The following AKAP13 variants were observed in gnomAD, a reference collection of about 807,000 sequenced individuals.
AKAP13 encodes the protein A-kinase anchor protein 13.
A neutral mutation model predicts 264.5 loss-of-function variants in AKAP13; 80 were observed. The observed-to-expected ratio is 0.30, with a 90% CI of 0.25 to 0.36. AKAP13 has a LOEUF of 0.36. AKAP13 is among the 10% of genes least tolerant of loss of function. AKAP13 has a pLI of 1.00. For missense variants in AKAP13, 3,712 were observed against 3,435.2 expected (o/e 1.08, Z -2.01); for synonymous variants, 1,380 against 1,250.2 (o/e 1.10, Z -2.19).
chr15:85,719,004 C>T, intron 22 of AKAP13, 72 bp from the exon 23 acceptor site: 3 of 1,578,826 alleles, frequency 1.9e-6, no homozygotes, highest in Non-Finnish European at 2.6e-6. Flanking sequence ...TTTGGGACTG[C>T]AGCAGATGAT....
rs1416351974 is a variant in AKAP13 at position 85,718,026 on chromosome 15, T to C, written c.5868T>C (p.Asn1956=). The C allele has an allele frequency of 6.2e-7, 1 of 1,614,130 alleles. No individual in the cohort carries two copies. The highest frequency in any genetic ancestry group is 2.2e-5 in the East Asian group (1 of 44,858). The change falls in exon 22 of 37, where the codon AAT becomes AAC. Residue 1956 remains asparagine, a synonymous_variant. Transcript: ENST00000394518. This position sits in a 1 kb window ranked among gnomAD's most constrained non-coding sequence, Gnocchi z 4.9. ...LTDEGVGTDM[N]EGQLLGDFEI... ...ATTGAGGAGTAGGTACAGACATGAA[T>C]GAAGGACAACTACTGGGAGACTTTG... is the stretch of plus-strand genomic sequence containing the variant.
At chr15:85,541,219 G>T (rs537422088) in intron 4 of AKAP13, among the ~76,000 whole-genome samples, 8 of 152,324 alleles carry the variant, frequency 5.3e-5, no homozygotes, top group Admixed American at 1.3e-4. Context: ...TTGAATGCTA[G>T]TTAATTATAT....
intron 17 of AKAP13, among the ~76,000 whole-genome samples, chr15:85,695,614 C>T (rs1244681074): frequency 6.6e-6 from 1 of 152,128 alleles, no homozygotes; most frequent in East Asian, 1.9e-4. Flanking sequence ...ATGTTACACC[C>T]CCAAAGTAGT....
chr15:85,741,556 T>TTAA, intron 35 of AKAP13, 61 bp downstream of exon 35: 1 of 1,499,076 alleles, frequency 6.7e-7, no homozygotes, highest in Non-Finnish European at 8.9e-7. Context: ...CCCCTGTGTA[T>TTAA]TAAGCAAGGT....
rs1466883864 is a variant in AKAP13 at position 85,743,552 on chromosome 15, C to T, written c.8119C>T (p.Pro2707Ser). The T allele has an allele frequency of 1.2e-6, 2 of 1,614,154 alleles. No homozygotes were observed. The highest frequency in any genetic ancestry group is 1.7e-6 in the Non-Finnish European group (2 of 1,180,022). ...ATCGTTCTTCCCCAGTCCTGAGGAGCCCCCCTCGCCATCTGCACCTTCCAT... is the reference window on the plus strand; with the variant it reads ...ATCGTTCTTCCCCAGTCCTGAGGAGTCCCCCTCGCCATCTGCACCTTCCAT... ...IPSFFPSPEE[P>S]PSPSAPSIAK... Residue 2707 changes from proline (P) to serine (S), a missense_variant, in exon 36 of 37, where the codon CCC becomes TCC. This residue lies in a region of AKAP13 where 611 missense variants were observed against 539.3 expected (regional missense o/e 1.13). Coordinates refer to ENST00000394518, the MANE Select transcript of AKAP13 (RefSeq NM_007200.5).
intron 10 of AKAP13, among the ~76,000 whole-genome samples, chr15:85,649,619 C>T (rs2430832): frequency 0.63 from 96,208 of 152,002 alleles, 30,597 homozygotes; most frequent in Middle Eastern, 0.71. Context: ...CAGCCCGTAA[C>T]GTTTGTCGTG....
intron 5 of AKAP13, among the ~76,000 whole-genome samples, chr15:85,552,628 CTTT>C (rs55743971): frequency 3.2e-5 from 4 of 125,068 alleles, no homozygotes; most frequent in Admixed American, 1.8e-4. Context: ...TTTTTTTGGC[CTTT>C]TTTTTTTTTT....
At chr15:85,392,124 A>T (rs2070889374) in intron 1 of AKAP13, among the ~76,000 whole-genome samples, 1 of 149,704 alleles carries the variant, frequency 6.7e-6, no homozygotes, top group South Asian at 2.1e-4. Context: ...ATATTTTTTG[A>T]GGTTGGGCTC....
At chr15:85,684,979 A>T in intron 16 of AKAP13, 106 bp downstream of exon 16, 15 of 1,344,880 alleles carry the variant, frequency 1.1e-5, no homozygotes, top group Non-Finnish European at 1.4e-5. Context: ...ATGGAAATAA[A>T]TTCAGGATTA....
At chr15:85,630,166 TACACAC>T (rs59852934) in intron 8 of AKAP13, among the ~76,000 whole-genome samples, 1,581 of 100,154 alleles carry the variant, frequency 0.016, 33 homozygotes, top group African/African-American at 0.055. Context: ...TTTTAACACA[TACACAC>T]ACACACACAC....
At chr15:85,525,557 A>C (rs1011243270) in intron 3 of AKAP13, among the ~76,000 whole-genome samples, 1 of 152,248 alleles carries the variant, frequency 6.6e-6, no homozygotes, top group Admixed American at 6.5e-5. Context: ...CTAGTTCAAG[A>C]ATATAATTTG....
intron 1 of AKAP13, among the ~76,000 whole-genome samples, chr15:85,437,619 G>A (rs202048820): frequency 8.5e-5 from 13 of 152,234 alleles, no homozygotes; most frequent in South Asian, 2.1e-4. Flanking sequence ...AAGCTTATCC[G>A]CCATGATCAA....
At chr15:85,442,781 T>G (rs1004334658) in intron 1 of AKAP13, among the ~76,000 whole-genome samples, 1 of 151,838 alleles carries the variant, frequency 6.6e-6, no homozygotes, top group Non-Finnish European at 1.5e-5. Context: ...ACTTAGTTTC[T>G]TGGAATAATT....
At chr15:85,450,899 C>CT in intron 1 of AKAP13, among the ~76,000 whole-genome samples, 1 of 152,084 alleles carries the variant, frequency 6.6e-6, no homozygotes, top group Admixed American at 6.6e-5. Flanking sequence ...AGTTTAGGTC[C>CT]TGAATATCTT....
At chr15:85,445,517 T>G (rs763029261) in intron 1 of AKAP13, among the ~76,000 whole-genome samples, 1 of 152,246 alleles carries the variant, frequency 6.6e-6, no homozygotes, top group Non-Finnish European at 1.5e-5. Context: ...TATTTAATTG[T>G]ATTTTTCTAC....
In AKAP13 at chr15:85,645,846, G is replaced by A; in HGVS notation, c.4266G>A (p.Leu1422=). The change falls in exon 10 of 37, where the codon CTG becomes CTA. Residue 1422 remains leucine (L), a synonymous_variant. Transcript: ENST00000394518. ...GTGAGAACTTCCTGGATGTTGGACT[G>A]GGCAGAGAGTGTACCTCAAAACAAG... ...PECENFLDVG[L]GRECTSKQGV... 2 of 1,610,432 alleles carry A rather than the reference G, an allele frequency of 1.2e-6. No homozygotes were observed. The highest frequency in any genetic ancestry group is 2.7e-5 in the African/African-American group (2 of 74,384).
chr15:85,688,031 TA>T (rs60030351), intron 16 of AKAP13, among the ~76,000 whole-genome samples: 13,023 of 138,120 alleles, frequency 0.094, 787 homozygotes, highest in African/African-American at 0.18. Flanking sequence ...CCCTGTCTCT[TA>T]AAAAAAAAAA....
chr15:85,725,500 G>T (rs2087564458), intron 26 of AKAP13, among the ~76,000 whole-genome samples: 1 of 152,112 alleles, frequency 6.6e-6, no homozygotes, highest in Non-Finnish European at 1.5e-5. Flanking sequence ...AAAAAAATTA[G>T]ACCTCCCTAG....
At chr15:85,381,074 C>A (rs1005141158) in intron 1 of AKAP13, among the ~76,000 whole-genome samples, 26 of 151,476 alleles carry the variant, frequency 1.7e-4, no homozygotes, top group Admixed American at 5.2e-4. Context: ...ACTTAGAGGC[C>A]GTCGCCGCTT....
Sources: gnomAD v4.1 joint callset for allele counts (sites outside exome capture counted in the v4.1 genomes callset) on GRCh38, gnomAD v4.1.1 for gene constraint, gnomAD v4.1.1 regional missense constraint, Gnocchi (gnomAD v3.1) non-coding constraint, MANE v1.5 for transcripts, NCBI Gene and HGNC (gene_info 2026-07-23, HGNC 2026-07-21) for gene names.